MAGOHB: variants seen among roughly 807,000 people sequenced by gnomAD.
MAGOHB encodes the protein protein mago nashi homolog 2.
In MAGOHB, 15 loss-of-function variants were observed where a neutral mutation model predicts 20.9. The observed-to-expected ratio is 0.72, with a 90% CI of 0.48 to 1.11. The LOEUF (loss-of-function observed/expected upper bound fraction) is 1.11, where lower values mean the gene tolerates loss of function less well. MAGOHB is among the 50% of genes least tolerant of loss of function. MAGOHB has a pLI of 0.00. For missense variants in MAGOHB, 162 were observed against 177.6 expected (o/e 0.91, Z 0.50); for synonymous variants, 50 against 57.9 (o/e 0.86, Z 0.62).
Position 10,606,340 on chromosome 12 carries a change from C to T in MAGOHB, c.382G>A (p.Val128Ile). ...PEGLRVFYYL[V>I]QDLKCLVFSL... is the part of the protein sequence containing the mutation. Reference sequence around the variant, plus strand: ...AAAACTAAACATTTCAAGTCTTGTACCAAATAGTAAAATACTCGAAGGCCT... The same window carrying T: ...AAAACTAAACATTTCAAGTCTTGTATCAAATAGTAAAATACTCGAAGGCCT... Residue 128 changes from valine to isoleucine, a missense_variant, in exon 5 of 5, where the codon GTA becomes ATA. Transcript: ENST00000320756. 1 of 1,580,618 alleles carries T rather than the reference C, an allele frequency of 6.3e-7. No homozygotes were observed. The highest frequency in any genetic ancestry group is 8.6e-7 in the Non-Finnish European group (1 of 1,162,102).
At chr12:10,612,694 C>T in intron 1 of MAGOHB, 1 of 1,149,666 alleles carries the variant, frequency 8.7e-7, no homozygotes, top group South Asian at 1.8e-5. Context: ...TCAAAAAAAC[C>T]CAAAAAATAT....
At chr12:10,603,310 T>G (rs1392684363), downstream of MAGOHB, among the ~76,000 whole-genome samples, 1 of 76,110 alleles carries the variant, frequency 1.3e-5, no homozygotes, top group Admixed American at 1.7e-4. Context: ...GGAGACTCCG[T>G]CTCAAAAAAA....
chr12:10,604,273 A>C lies in MAGOHB; in HGVS notation c.*2002T>G, dbSNP rs746178090. On this transcript the variant is annotated 3_prime_UTR_variant, in exon 5 of 5. Coordinates refer to ENST00000320756, the MANE Select transcript of MAGOHB (RefSeq NM_018048.5). ...GCAATAAAAATCTAGTTTCATATAA[A>C]ACTAGTATTATACAAAATTCAGTTT... is the stretch of plus-strand genomic sequence containing the variant. The C allele has an allele frequency of 1.3e-5, 2 of 152,210 alleles. No individual in the cohort carries two copies. The highest frequency in any genetic ancestry group is 2.9e-5 in the Non-Finnish European group (2 of 68,040). The allele number at this position is 152,210 out of a possible 1,614,324, so 9.4% of individuals were successfully genotyped here. A position where few individuals can be genotyped will look rare whatever the true frequency, so the allele number is the denominator to read the frequency against.
intron 1 of MAGOHB, among the ~76,000 whole-genome samples, chr12:10,611,479 G>GCTCATGC (rs1865735610): frequency 6.6e-6 from 1 of 152,092 alleles, no homozygotes; most frequent in African/African-American, 2.4e-5. Context: ...AGGCACAGTG[G>GCTCATGC]CTCATGCCTG....
At chr12:10,600,218 T>A, downstream of MAGOHB, among the ~76,000 whole-genome samples, 1 of 152,014 alleles carries the variant, frequency 6.6e-6, no homozygotes, top group Non-Finnish European at 1.5e-5. Context: ...CACAGTATTT[T>A]TTATTTATTA....
At chr12:10,610,841 G>T (rs12811247) in intron 1 of MAGOHB, among the ~76,000 whole-genome samples, 161 bp from the exon 2 acceptor site, 67,200 of 151,952 alleles carry the variant, frequency 0.44, 15,836 homozygotes, top group Non-Finnish European at 0.54. Context: ...GACAATAAAT[G>T]TTTGCTGGTT....
chr12:10,610,995 T>G (rs1865723996), intron 1 of MAGOHB, among the ~76,000 whole-genome samples: 1 of 152,172 alleles, frequency 6.6e-6, no homozygotes, highest in Non-Finnish European at 1.5e-5. Flanking sequence ...TCCTTTAAAG[T>G]TTGTTATATG....
chr12:10,607,964 T>A, intron 3 of MAGOHB, 28 bp from the exon 4 acceptor site: 1 of 1,362,926 alleles, frequency 7.3e-7, no homozygotes, highest in Non-Finnish European at 1.0e-6. Flanking sequence ...AAAATGTAGT[T>A]AATATAAAAA....
Position 10,604,704 on chromosome 12 carries a change from T to A in MAGOHB, c.*1571A>T, listed in dbSNP as rs2120497406. 6.6e-6 allele frequency: 1 copy of A among 152,248 alleles called. No individual in the cohort carries two copies. Among genetic ancestry groups the A allele is most frequent in the African/African-American group, 2.4e-5 (1 of 41,534 alleles). 9.4% of individuals were successfully genotyped at this position (152,248 alleles called of 1,614,324 possible). ...ATTTCATACTGCACAATCATCAAGG[T>A]CTACAACTGGAACAGAAACATTTTA... On this transcript the variant is annotated 3_prime_UTR_variant, in exon 5 of 5. Transcript: ENST00000320756.
chr12:10,601,316 A>G (rs1865552970), downstream of MAGOHB, among the ~76,000 whole-genome samples: 1 of 152,174 alleles, frequency 6.6e-6, no homozygotes, highest in Non-Finnish European at 1.5e-5. Context: ...ACAAATGAGG[A>G]AACTAAAGTG....
intron 1 of MAGOHB, among the ~76,000 whole-genome samples, chr12:10,612,119 G>A (rs187570834): frequency 6.6e-6 from 1 of 152,036 alleles, no homozygotes; most frequent in Admixed American, 6.6e-5. Context: ...GGTGGCTGAC[G>A]CTGGTGGATC....
rs1865623222 is a variant in MAGOHB, at chr12:10,606,025, T to C, written c.*250A>G. ...ACTACTCTGCAACCAGGATTTGGTA[T>C]GTTTTATTAGAGCAAATTTTTAACA... On this transcript the variant is annotated 3_prime_UTR_variant, in exon 5 of 5. Transcript: ENST00000320756. 1 of 247,542 alleles carries C rather than the reference T, an allele frequency of 4.0e-6. No homozygotes were observed. The highest frequency in any genetic ancestry group is 7.7e-5 in the East Asian group (1 of 12,904). The allele number at this position is 247,542 out of a possible 1,614,324, so 15.3% of individuals were successfully genotyped here.
downstream of MAGOHB, among the ~76,000 whole-genome samples, chr12:10,602,824 C>T (rs925313329): frequency 3.9e-5 from 6 of 152,114 alleles, no homozygotes; most frequent in African/African-American, 9.7e-5. Flanking sequence ...TTCAAACCTT[C>T]GGGTCACACT....
chr12:10,609,769 G>C, intron 3 of MAGOHB, 62 bp downstream of exon 3: 1 of 1,050,758 alleles, frequency 9.5e-7, no homozygotes, highest in Non-Finnish European at 1.4e-6. Context: ...TAAATAACGG[G>C]AAACAAAATA....
downstream of MAGOHB, among the ~76,000 whole-genome samples, chr12:10,601,204 G>A (rs1416695865): frequency 6.6e-6 from 1 of 152,170 alleles, no homozygotes; most frequent in African/African-American, 2.4e-5. Flanking sequence ...AATAGCGGAT[G>A]TTGAAAAGGT....
At chr12:10,613,319 C>A in intron 1 of MAGOHB, 120 bp downstream of exon 1, 1 of 851,064 alleles carries the variant, frequency 1.2e-6, no homozygotes, top group South Asian at 1.4e-5. Flanking sequence ...CTCCTCTATT[C>A]TTAAGCTCCT....
At chr12:10,601,161 A>C (rs1348491322), downstream of MAGOHB, among the ~76,000 whole-genome samples, 1 of 152,178 alleles carries the variant, frequency 6.6e-6, no homozygotes, top group African/African-American at 2.4e-5. Context: ...GATGATAGGA[A>C]GTGGGTGACA....
chr12:10,610,551 C>T, intron 2 of MAGOHB, 71 bp downstream of exon 2: 1 of 1,343,636 alleles, frequency 7.4e-7, no homozygotes, highest in Non-Finnish European at 9.6e-7. Context: ...AAATTCAACA[C>T]AGACTTGAAG....
downstream of MAGOHB, among the ~76,000 whole-genome samples, chr12:10,600,576 T>C (rs1865544458): frequency 1.3e-5 from 2 of 152,184 alleles, no homozygotes; most frequent in South Asian, 2.1e-4. Flanking sequence ...ACTGGCAAAT[T>C]ATTTCTCTAC....
Sources: gnomAD v4.1 joint callset for allele counts (sites outside exome capture counted in the v4.1 genomes callset) on GRCh38, gnomAD v4.1.1 for gene constraint, MANE v1.5 for transcripts, NCBI Gene and HGNC (gene_info 2026-07-23, HGNC 2026-07-21) for gene names.